MDGA2: variants seen among roughly 807,000 people sequenced by gnomAD.
MDGA2 encodes MAM domain-containing glycosylphosphatidylinositol anchor protein 2.
MDGA2 carries 40 observed loss-of-function variants against 117.8 expected under a neutral mutation model. The ratio of observed to expected loss-of-function variants is 0.34; its 90% CI spans 0.26 to 0.44. MDGA2 has a LOEUF of 0.44. Ranked by LOEUF, MDGA2 falls within the 20% of genes least tolerant of loss-of-function variation. MDGA2 has a pLI of 1.00. For missense variants in MDGA2, 1,123 were observed against 1,250.6 expected, an observed-to-expected ratio of 0.90 and a Z score of 1.54; for synonymous variants, 452 against 439.0, an observed-to-expected ratio of 1.03 and a Z score of -0.37.
chr14:47,088,707 CCAGTTGTAAGTATA>C (rs1315084118), intron 6 of MDGA2, among the ~76,000 whole-genome samples: 1 of 152,010 alleles, frequency 6.6e-6, no homozygotes, highest in East Asian at 1.9e-4. Flanking sequence ...CAGTGAGTGC[CCAGTTGTAAGTATA>C]CATTGTATTT....
chr14:47,570,403 A>T (rs904484292), intron 1 of MDGA2, among the ~76,000 whole-genome samples: 2 of 152,190 alleles, frequency 1.3e-5, no homozygotes, highest in African/African-American at 4.8e-5. Flanking sequence ...TATATGTTCA[A>T]CTTAGACAAG....
rs1594996632 is a variant in MDGA2, at chr14:46,855,273, G to T, written c.2753-119C>A. ...ATTTTACAGAACACTCTAGTGTCTTGTCCTCTCTTCTCCTCTCATTTCCTA... is the reference window on the plus strand; with the variant it reads ...ATTTTACAGAACACTCTAGTGTCTTTTCCTCTCTTCTCCTCTCATTTCCTA... On this transcript the variant is annotated intron_variant, in intron 14 of 16. Coordinates refer to ENST00000399232, the MANE Select transcript of MDGA2 (RefSeq NM_001113498.3). The surrounding 1 kb of genome is among the most constrained non-coding windows in gnomAD (Gnocchi z 4.1). 1 of 708,670 alleles carries T rather than the reference G, an allele frequency of 1.4e-6. No individual in the cohort carries two copies. The highest frequency in any genetic ancestry group is 3.2e-5 in the Admixed American group (1 of 31,414). 43.9% of individuals were successfully genotyped at this position (708,670 alleles called of 1,614,324 possible).
At chr14:46,866,031 G>GA (rs1165448676) in intron 14 of MDGA2, among the ~76,000 whole-genome samples, 18 of 151,164 alleles carry the variant, frequency 1.2e-4, no homozygotes, top group African/African-American at 3.4e-4. Context: ...CACAGAATTG[G>GA]AAAAAACTAC....
chr14:47,172,363 CCT>C (rs775615980), intron 3 of MDGA2, among the ~76,000 whole-genome samples: 51 of 152,038 alleles, frequency 3.4e-4, no homozygotes, highest in Non-Finnish European at 6.2e-4. Context: ...GTCCCTGACC[CCT>C]GACCCCCGAG....
At chr14:47,603,292 A>G (rs1198817562) in intron 1 of MDGA2, among the ~76,000 whole-genome samples, 1 of 152,166 alleles carries the variant, frequency 6.6e-6, no homozygotes, top group Non-Finnish European at 1.5e-5. Context: ...TAATGAAACT[A>G]TCGGATTTCA....
chr14:47,212,739 G>C (rs1885931459), intron 3 of MDGA2, among the ~76,000 whole-genome samples: 1 of 152,108 alleles, frequency 6.6e-6, no homozygotes, highest in Non-Finnish European at 1.5e-5. Context: ...CTATGCAAGC[G>C]ATCTTTACCG....
chr14:47,175,599 A>G (rs1166352818), intron 3 of MDGA2, among the ~76,000 whole-genome samples: 3 of 151,954 alleles, frequency 2.0e-5, no homozygotes, highest in Non-Finnish European at 4.4e-5. Context: ...AAATTCAACT[A>G]CCCTTCATGC....
chr14:47,630,948 G>A (rs992954097), intron 1 of MDGA2, among the ~76,000 whole-genome samples: 3 of 152,166 alleles, frequency 2.0e-5, no homozygotes, highest in Non-Finnish European at 4.4e-5. Flanking sequence ...GTTAAGCCCT[G>A]TTATCCCCAT....
intron 1 of MDGA2, among the ~76,000 whole-genome samples, chr14:47,311,079 G>A (rs895666140): frequency 6.6e-6 from 1 of 151,984 alleles, no homozygotes; most frequent in Non-Finnish European, 1.5e-5. Context: ...AAGAGATCAG[G>A]ACTCCTAAAG....
chr14:46,843,966 G>T (rs1478079107), intron 16 of MDGA2, among the ~76,000 whole-genome samples: 1 of 152,042 alleles, frequency 6.6e-6, no homozygotes, highest in African/African-American at 2.4e-5. Context: ...ATTTTTAACA[G>T]GAATGATTTT....
rs140798796 is a variant in MDGA2 at position 47,073,873 on chromosome 14, C to G, written c.1196-12295G>C. On this transcript the variant is annotated intron_variant, in intron 6 of 16. Transcript: ENST00000399232. ...TCACGTTCCTTCAAAATGTGTTTCTCTATAATTTCAAACATTCGCTTTCAT... is the reference window on the plus strand; with the variant it reads ...TCACGTTCCTTCAAAATGTGTTTCTGTATAATTTCAAACATTCGCTTTCAT... Among the ~76,000 whole-genome samples, 38 of 152,270 alleles carry G rather than the reference C, an allele frequency of 2.5e-4. No individual in the cohort carries two copies. The East Asian group carries it at 4.1e-3, about 16-fold the overall frequency.
intron 3 of MDGA2, among the ~76,000 whole-genome samples, chr14:47,167,103 ACT>A (rs1226952873): frequency 6.6e-6 from 1 of 151,478 alleles, no homozygotes; most frequent in Non-Finnish European, 1.5e-5. Flanking sequence ...GAATCCACCA[ACT>A]CTCTCTATAT....
chr14:47,157,839 T>G (rs1883461840), intron 3 of MDGA2, among the ~76,000 whole-genome samples: 1 of 152,150 alleles, frequency 6.6e-6, no homozygotes, highest in Non-Finnish European at 1.5e-5. Context: ...GCTCTCATTC[T>G]TCTCCCTCCT....
chr14:46,864,545 G>GTTTTTTGTTTTTTTTTTT (rs1881653737), intron 14 of MDGA2, among the ~76,000 whole-genome samples: 1 of 51,472 alleles, frequency 1.9e-5, no homozygotes, highest in Non-Finnish European at 3.9e-5. Context: ...AGATATTGCT[G>GTTTTTTGTTTTTTTTTTT]TTTTTTTTTT....
intron 1 of MDGA2, among the ~76,000 whole-genome samples, chr14:47,625,201 C>T (rs2138936541): frequency 6.6e-6 from 1 of 152,054 alleles, no homozygotes; most frequent in South Asian, 2.1e-4. Flanking sequence ...GAATGCTTTT[C>T]TTTAGCATAC....
intron 8 of MDGA2, among the ~76,000 whole-genome samples, chr14:47,026,506 T>A (rs991772486): frequency 3.3e-5 from 5 of 152,076 alleles, no homozygotes; most frequent in African/African-American, 1.2e-4. Flanking sequence ...ACTAAGCATA[T>A]TATTGTTGGT....
chr14:47,219,458 G>A (rs1044299886), intron 2 of MDGA2, among the ~76,000 whole-genome samples: 19 of 152,010 alleles, frequency 1.2e-4, no homozygotes, highest in South Asian at 1.2e-3. Flanking sequence ...AGATGCAAAT[G>A]GCATAATTTC....
At chr14:47,253,561 C>T (rs61993077) in intron 2 of MDGA2, among the ~76,000 whole-genome samples, 41,483 of 152,206 alleles carry the variant, frequency 0.27, 6,498 homozygotes, top group Admixed American at 0.46. Flanking sequence ...TGGGTTCCCA[C>T]GGCCTTGGGC....
chr14:47,462,375 CAAA>C (rs373508880), intron 1 of MDGA2, among the ~76,000 whole-genome samples: 7 of 96,064 alleles, frequency 7.3e-5, no homozygotes, highest in Admixed American at 3.4e-4. Flanking sequence ...GACTCCGTCC[CAAA>C]AAAAAAAAAA....
Sources: gnomAD v4.1 joint callset for allele counts (sites outside exome capture counted in the v4.1 genomes callset) on GRCh38, gnomAD v4.1.1 for gene constraint, Gnocchi (gnomAD v3.1) non-coding constraint, MANE v1.5 for transcripts, NCBI Gene and HGNC (gene_info 2026-07-23, HGNC 2026-07-21) for gene names.